SPPL3: variants seen among roughly 807,000 people sequenced by gnomAD.
SPPL3 encodes the protein signal peptide peptidase like 3.
In SPPL3, 5 loss-of-function variants were observed where a neutral mutation model predicts 42.4. That is an observed-to-expected ratio of 0.12 (90% confidence interval 0.06 to 0.25). The LOEUF is 0.25. Ranked by LOEUF, SPPL3 falls within the 10% of genes least tolerant of loss-of-function variation. The pLI, the probability that SPPL3 is intolerant of heterozygous loss-of-function variation, is 1.00. For synonymous variants in SPPL3, 195 were observed against 181.8 expected (o/e 1.07, Z -0.58); for missense variants, 235 against 489.0 (o/e 0.48, Z 4.90).
At chr12:120,835,929 C>T (rs73229160) in intron 1 of SPPL3, among the ~76,000 whole-genome samples, 6,359 of 152,322 alleles carry the variant, frequency 0.042, 186 homozygotes, top group South Asian at 0.11. Context: ...TGCAACAGAA[C>T]TGTTCTATCT....
intron 1 of SPPL3, among the ~76,000 whole-genome samples, chr12:120,823,115 A>C (rs1425303021): frequency 6.6e-6 from 1 of 150,456 alleles, no homozygotes; most frequent in East Asian, 2.0e-4. Flanking sequence ...GAGAGGAGAG[A>C]GCAAGAGTGA....
intron 1 of SPPL3, among the ~76,000 whole-genome samples, chr12:120,857,617 A>G (rs1872502465): frequency 6.6e-6 from 1 of 152,238 alleles, no homozygotes; most frequent in South Asian, 2.1e-4. Flanking sequence ...AATGTGGTAC[A>G]TATACACTAC....
At chr12:120,799,446 T>A (rs937399937) in intron 2 of SPPL3, among the ~76,000 whole-genome samples, 1 of 152,158 alleles carries the variant, frequency 6.6e-6, no homozygotes, top group African/African-American at 2.4e-5. Flanking sequence ...AAGCTAGGGA[T>A]CTTCTGTAGC....
chr12:120,824,720 T>C (rs1158020916), intron 1 of SPPL3, among the ~76,000 whole-genome samples: 5 of 152,094 alleles, frequency 3.3e-5, no homozygotes, highest in Non-Finnish European at 7.4e-5. Flanking sequence ...GCAATTTTTG[T>C]AGAGATGGGG....
intron 1 of SPPL3, among the ~76,000 whole-genome samples, chr12:120,888,569 C>T (rs1873536989): frequency 6.6e-6 from 1 of 152,128 alleles, no homozygotes; most frequent in African/African-American, 2.4e-5. Flanking sequence ...AAAACAAAAG[C>T]TATGTATCAT....
rs201917489 is a variant in SPPL3 at position 120,820,694 on chromosome 12, C to A, written c.24-9808G>T. 5.9e-4 allele frequency among the ~76,000 whole-genome samples: 89 copies of A among 152,014 alleles called. 1 individual carries two copies. In the East Asian group the frequency reaches 0.014, roughly 24 times the overall value. ...TTTCCCCATATTTTAAAGGAAAAAACCAAATATGTATTGCAAGCTTAATAA... is the reference window on the plus strand; with the variant it reads ...TTTCCCCATATTTTAAAGGAAAAAAACAAATATGTATTGCAAGCTTAATAA... On this transcript the variant is annotated intron_variant, in intron 1 of 10. Coordinates refer to ENST00000353487, the MANE Select transcript of SPPL3 (RefSeq NM_139015.5).
At chr12:120,810,370 C>CTT (rs1870644393) in intron 2 of SPPL3, among the ~76,000 whole-genome samples, 1 of 145,956 alleles carries the variant, frequency 6.9e-6, no homozygotes, top group African/African-American at 2.7e-5. Flanking sequence ...TGTGACTACA[C>CTT]TTTCATTTTT....
intron 1 of SPPL3, among the ~76,000 whole-genome samples, chr12:120,874,093 T>C (rs1873005085): frequency 6.6e-6 from 1 of 151,906 alleles, no homozygotes; most frequent in Non-Finnish European, 1.5e-5. Flanking sequence ...TAAAGGAATT[T>C]CTCCACACAG....
At chr12:120,780,541 G>A (rs981023628) in intron 6 of SPPL3, among the ~76,000 whole-genome samples, 2 of 150,094 alleles carry the variant, frequency 1.3e-5, no homozygotes, top group African/African-American at 2.5e-5. Flanking sequence ...CTGGGTCCAG[G>A]AGTTCAAGAC....
chr12:120,806,555 A>G (rs1255290060), intron 2 of SPPL3, among the ~76,000 whole-genome samples: 7 of 152,164 alleles, frequency 4.6e-5, no homozygotes, highest in Non-Finnish European at 1.0e-4. Context: ...CTTCTTAAAG[A>G]AAACGTAGGA....
At chr12:120,829,511 G>T (rs1871329504) in intron 1 of SPPL3, among the ~76,000 whole-genome samples, 1 of 152,072 alleles carries the variant, frequency 6.6e-6, no homozygotes, top group African/African-American at 2.4e-5. Flanking sequence ...CAGGGGAATC[G>T]CTTGGACCTA....
chr12:120,794,675 C>T (rs1160478656), intron 2 of SPPL3, among the ~76,000 whole-genome samples: 5 of 152,130 alleles, frequency 3.3e-5, no homozygotes, highest in East Asian at 1.9e-4. Context: ...GGATTAGAGG[C>T]GTGAGACACT....
intron 1 of SPPL3, among the ~76,000 whole-genome samples, chr12:120,840,150 C>T (rs370382896): frequency 1.1e-4 from 16 of 151,630 alleles, no homozygotes; most frequent in East Asian, 7.8e-4. Context: ...TGGGTGGCAG[C>T]GCCTGTAATC....
chr12:120,774,473 G>C (rs1038788821), intron 6 of SPPL3, among the ~76,000 whole-genome samples: 1 of 152,124 alleles, frequency 6.6e-6, no homozygotes, highest in Non-Finnish European at 1.5e-5. Context: ...TGTCTGAACG[G>C]GTTCCTATTC....
intron 3 of SPPL3, among the ~76,000 whole-genome samples, chr12:120,785,739 G>C (rs1323667113): frequency 6.6e-6 from 1 of 150,922 alleles, no homozygotes; most frequent in Non-Finnish European, 1.5e-5. Flanking sequence ...GAAAGGCTGA[G>C]GCAGGAGGAT....
At position 120,766,096 on chromosome 12, in the gene SPPL3, G is replaced by GTGCACACA. The variant is rs1566035697; in HGVS notation, c.1083+166_1083+167insTGTGTGCA. 3.3e-5 allele frequency among the ~76,000 whole-genome samples: 3 copies of GTGCACACA among 90,806 alleles called. No individual in the cohort carries two copies. The East Asian group carries it at 1.8e-3, about 55-fold the overall frequency. 59.6% of individuals were successfully genotyped at this position (90,806 alleles called of 152,430 possible). Reference sequence around the variant, plus strand: ...GTTTGCTAACGCCAGGGTAGCGCGCGCGCGCACACACACACACACACACAC... The same window carrying GTGCACACA: ...GTTTGCTAACGCCAGGGTAGCGCGCGTGCACACACGCGCACACACACACACACACACAC... On this transcript the variant is annotated intron_variant, in intron 10 of 10. Coordinates refer to ENST00000353487, the MANE Select transcript of SPPL3 (RefSeq NM_139015.5).
At chr12:120,888,563 C>T (rs769714818) in intron 1 of SPPL3, among the ~76,000 whole-genome samples, 21 of 152,160 alleles carry the variant, frequency 1.4e-4, no homozygotes, top group Non-Finnish European at 2.9e-4. Context: ...AGAAACAAAA[C>T]AAAAGCTATG....
chr12:120,819,347 G>A (rs1361638502), intron 1 of SPPL3, among the ~76,000 whole-genome samples: 1 of 152,018 alleles, frequency 6.6e-6, no homozygotes, highest in African/African-American at 2.4e-5. Context: ...GATTTGCTGA[G>A]TTATGCCGCT....
intron 3 of SPPL3, among the ~76,000 whole-genome samples, chr12:120,791,155 T>C (rs961798249): frequency 2.0e-5 from 3 of 152,162 alleles, no homozygotes; most frequent in Middle Eastern, 3.2e-3. Context: ...TTGGCAAAAA[T>C]TTCTCTTGTA....
Sources: allele counts gnomAD v4.1 joint callset (sites outside exome capture counted in the v4.1 genomes callset), GRCh38; gene constraint gnomAD v4.1.1; transcripts MANE v1.5; gene names NCBI Gene and HGNC (gene_info 2026-07-23, HGNC 2026-07-21).